ABCC11: variants seen among roughly 807,000 people sequenced by gnomAD.
The protein encoded by ABCC11 is ATP binding cassette subfamily C member 11.
Under a neutral mutation model 149.3 loss-of-function variants are expected in ABCC11, and 135 were observed. That is an observed-to-expected ratio of 0.90 (90% CI 0.79 to 1.04). The LOEUF (loss-of-function observed/expected upper bound fraction) is 1.04, where lower values mean the gene tolerates loss of function less well. Ranked by LOEUF, ABCC11 falls within the 50% of genes least tolerant of loss-of-function variation. The pLI is 0.00. For missense variants in ABCC11, 1,680 were observed against 1,722.1 expected (o/e 0.98, Z 0.43); for synonymous variants, 665 against 671.4 (o/e 0.99, Z 0.15).
intron 1 of ABCC11, among the ~76,000 whole-genome samples, chr16:48,243,074 CAG>C (rs1404829538): frequency 4.2e-5 from 6 of 141,488 alleles, no homozygotes; most frequent in Middle Eastern, 3.6e-3. Flanking sequence ...AAATTAAAAA[CAG>C]AAAAAAAATA....
At chr16:48,230,382 G>C in intron 3 of ABCC11, 55 bp downstream of exon 3, 15 of 1,492,324 alleles carry the variant, frequency 1.0e-5, no homozygotes, top group Non-Finnish European at 1.3e-5. Flanking sequence ...GGGAGGGTTG[G>C]GGATCATTGC....
chr16:48,222,108 A>C (rs1237048637), intron 6 of ABCC11, among the ~76,000 whole-genome samples: 1 of 146,034 alleles, frequency 6.8e-6, no homozygotes, highest in Non-Finnish European at 1.5e-5. Context: ...GCAGGGTTGG[A>C]AGTAGAAATA....
intron 20 of ABCC11, among the ~76,000 whole-genome samples, chr16:48,188,905 G>A (rs940704731): frequency 2.6e-5 from 4 of 152,214 alleles, no homozygotes; most frequent in African/African-American, 9.6e-5. Context: ...AAAGAAAGAG[G>A]AGGGAAGGAC....
intron 2 of ABCC11, 152 bp from the exon 3 acceptor site, chr16:48,230,725 GAGTC>G: frequency 2.1e-6 from 2 of 933,450 alleles, no homozygotes; most frequent in South Asian, 4.2e-5. Flanking sequence ...AGGGGACCGA[GAGTC>G]AGGGCAACTG....
chr16:48,233,246 A>C (rs530809859), intron 1 of ABCC11, among the ~76,000 whole-genome samples: 2 of 152,334 alleles, frequency 1.3e-5, no homozygotes, highest in South Asian at 4.1e-4. Context: ...TTGTACTTCA[A>C]GCAAATAGAC....
intron 20 of ABCC11, among the ~76,000 whole-genome samples, chr16:48,190,486 C>T (rs1379342508): frequency 6.6e-6 from 1 of 152,066 alleles, no homozygotes; most frequent in Non-Finnish European, 1.5e-5. Context: ...TCCTCAGTCC[C>T]CCAAGTAGCT....
At chr16:48,181,615 T>TC (rs1488243671) in intron 23 of ABCC11, among the ~76,000 whole-genome samples, 4 of 151,714 alleles carry the variant, frequency 2.6e-5, no homozygotes. Context: ...CATGTTCTTT[T>TC]TTTTTTTTTT....
chr16:48,222,879 C>A, intron 5 of ABCC11, 48 bp from the exon 6 acceptor site: 1 of 1,488,058 alleles, frequency 6.7e-7, no homozygotes, highest in Non-Finnish European at 9.3e-7. Flanking sequence ...CTGCCAGACA[C>A]GTTTGATGTT....
intron 26 of ABCC11, among the ~76,000 whole-genome samples, chr16:48,171,301 G>T (rs1240934289): frequency 6.6e-6 from 1 of 152,218 alleles, no homozygotes; most frequent in Non-Finnish European, 1.5e-5. Context: ...TTAGCTTGGG[G>T]TGGGAAAGTA....
chr16:48,231,791 C>G, intron 2 of ABCC11, 32 bp downstream of exon 2: 1 of 1,606,952 alleles, frequency 6.2e-7, no homozygotes, highest in Non-Finnish European at 8.5e-7. Flanking sequence ...AACTCAGTTT[C>G]CTGGTGTGCT....
intron 27 of ABCC11, 53 bp downstream of exon 27, chr16:48,170,836 C>A (rs527257339): frequency 6.6e-7 from 1 of 1,519,724 alleles, no homozygotes; most frequent in East Asian, 2.3e-5. Flanking sequence ...AAGGGGCAGC[C>A]CCCCATGGGC....
At chr16:48,195,751 C>T (rs966297380) in intron 18 of ABCC11, among the ~76,000 whole-genome samples, 4 of 152,148 alleles carry the variant, frequency 2.6e-5, no homozygotes, top group Non-Finnish European at 5.9e-5. Flanking sequence ...TGACCTTTTG[C>T]GATGTGGCCG....
chr16:48,237,216 A>G (rs1234157592), intron 1 of ABCC11, among the ~76,000 whole-genome samples: 1 of 152,150 alleles, frequency 6.6e-6, no homozygotes, highest in Non-Finnish European at 1.5e-5. Flanking sequence ...TCTGGGCCAC[A>G]TATGTTTTAT....
At chr16:48,218,754 A>G (rs1017696734) in intron 6 of ABCC11, among the ~76,000 whole-genome samples, 3 of 152,192 alleles carry the variant, frequency 2.0e-5, no homozygotes, top group Admixed American at 6.5e-5. Flanking sequence ...GTCTGCCACC[A>G]TGTAAGATGT....
intron 1 of ABCC11, chr16:48,244,398 G>A: frequency 6.4e-7 from 1 of 1,556,480 alleles, no homozygotes; most frequent in Non-Finnish European, 8.6e-7. Flanking sequence ...CATGTCATCA[G>A]TGAGCCCCAT....
At chr16:48,230,128 G>T (rs1970333821) in intron 3 of ABCC11, among the ~76,000 whole-genome samples, 1 of 152,180 alleles carries the variant, frequency 6.6e-6, no homozygotes, top group South Asian at 2.1e-4. Flanking sequence ...AAGTTTATTT[G>T]CTTATTGTCT....
chr16:48,232,405 G>T (rs930102894), intron 1 of ABCC11: 1 of 153,034 alleles, frequency 6.5e-6, no homozygotes, highest in African/African-American at 2.4e-5. Context: ...GTGCTGGGAG[G>T]AGAGCAGGTG....
chr16:48,181,863 T>G (rs1255136414), intron 23 of ABCC11, among the ~76,000 whole-genome samples: 1 of 152,224 alleles, frequency 6.6e-6, no homozygotes, highest in Non-Finnish European at 1.5e-5. Context: ...TCCACCCACC[T>G]TGGACTCTCA....
At chr16:48,201,481 T>C (rs1275809273) in intron 14 of ABCC11, among the ~76,000 whole-genome samples, 3 of 147,770 alleles carry the variant, frequency 2.0e-5, no homozygotes, top group South Asian at 2.1e-4. Flanking sequence ...TTTCTTTTTT[T>C]TTTTTTTTTT....
Sources: allele counts gnomAD v4.1 joint callset (sites outside exome capture counted in the v4.1 genomes callset), GRCh38; gene constraint gnomAD v4.1.1; transcripts MANE v1.5; gene names NCBI Gene and HGNC (gene_info 2026-07-23, HGNC 2026-07-21).